Variants in NLRP13 observed in about 807,000 individuals in gnomAD.
NLRP13 encodes the protein NLR family pyrin domain containing 13.
NLRP13 carries 82 observed loss-of-function variants against 94.4 expected under a neutral mutation model. The ratio of observed to expected loss-of-function variants is 0.87; its 90% CI spans 0.73 to 1.04. The LOEUF is 1.04. NLRP13 is among the 50% of genes least tolerant of loss of function. NLRP13 has a pLI of 0.00. For missense variants in NLRP13, 1,426 were observed against 1,230.8 expected, an observed-to-expected ratio of 1.16 and a Z score of -2.37; for synonymous variants, 553 against 464.7, an observed-to-expected ratio of 1.19 and a Z score of -2.45.
intron 4 of NLRP13, among the ~76,000 whole-genome samples, chr19:55,914,528 C>G (rs761676571): frequency 6.6e-6 from 1 of 152,066 alleles, no homozygotes; most frequent in African/African-American, 2.4e-5. Flanking sequence ...GTAGAATATA[C>G]CCCATCAGTA....
At chr19:55,902,766 T>A (rs562883886) in intron 8 of NLRP13, among the ~76,000 whole-genome samples, 2 of 152,034 alleles carry the variant, frequency 1.3e-5, no homozygotes, top group Non-Finnish European at 2.9e-5. Flanking sequence ...TGTTAACATA[T>A]AAGTTTTATG....
At chr19:55,927,379 A>C (rs920831917) in intron 1 of NLRP13, among the ~76,000 whole-genome samples, 1 of 151,930 alleles carries the variant, frequency 6.6e-6, no homozygotes, top group Non-Finnish European at 1.5e-5. Flanking sequence ...GAAAAAAAAA[A>C]AAAAAAAGAG....
At chr19:55,898,199 TGTTTTTGTTTTTG>T (rs1986064509) in intron 10 of NLRP13, among the ~76,000 whole-genome samples, 1 of 54,352 alleles carries the variant, frequency 1.8e-5, no homozygotes, top group Non-Finnish European at 3.2e-5. Context: ...GGAGAGTTTT[TGTTTTTGTTTTTG>T]TTTTTTTTTT....
At chr19:55,898,718 A>T in intron 10 of NLRP13, 52 bp downstream of exon 10, 1 of 1,512,474 alleles carries the variant, frequency 6.6e-7, no homozygotes, top group African/African-American at 1.4e-5. Context: ...ATATCTCCCC[A>T]CCCGCAAGAG....
At chr19:55,924,904 G>C in intron 2 of NLRP13, 63 bp downstream of exon 2, 1 of 1,352,860 alleles carries the variant, frequency 7.4e-7, no homozygotes, top group Non-Finnish European at 1.1e-6. Flanking sequence ...AGCGGATGTG[G>C]ACCAGTGAAT....
At position 55,902,319 on chromosome 19, in the gene NLRP13, G is replaced by C. The variant is rs185793408; in HGVS notation, c.2619-114C>G. On this transcript the variant is annotated intron_variant, in intron 8 of 10. Transcript: ENST00000342929. ...CTACACATGCAGCAGCTCCCTGGACGACAAGGTCTTTCTTTTTAGCTGGAC... is the reference window on the plus strand; with the variant it reads ...CTACACATGCAGCAGCTCCCTGGACCACAAGGTCTTTCTTTTTAGCTGGAC... 322 of 841,150 alleles carry C rather than the reference G, an allele frequency of 3.8e-4. 4 individuals are homozygous for C. In the East Asian group the frequency reaches 8.1e-3, roughly 21 times the overall value. The allele number at this position is 841,150 out of a possible 1,614,324, so 52.1% of individuals were successfully genotyped here.
At chr19:55,898,248 C>A (rs528490338) in intron 10 of NLRP13, among the ~76,000 whole-genome samples, 18 of 138,634 alleles carry the variant, frequency 1.3e-4, no homozygotes, top group Non-Finnish European at 2.1e-4. Context: ...TCGCTCTTGT[C>A]TCCCAGGCTG....
intron 3 of NLRP13, among the ~76,000 whole-genome samples, 163 bp downstream of exon 3, chr19:55,924,427 G>A (rs1044069570): frequency 2.0e-5 from 3 of 152,138 alleles, no homozygotes; most frequent in African/African-American, 7.2e-5. Context: ...TCAGCCGTAA[G>A]TTATTATTTA....
At chr19:55,899,021 A>G (rs1986094716) in intron 9 of NLRP13, 84 bp from the exon 10 acceptor site, 10 of 1,423,224 alleles carry the variant, frequency 7.0e-6, no homozygotes, top group Admixed American at 4.6e-5. Flanking sequence ...TCTCACGTCC[A>G]AGGAAAGGAG....
At chr19:55,926,141 T>G (rs1242988569) in intron 1 of NLRP13, among the ~76,000 whole-genome samples, 1 of 152,166 alleles carries the variant, frequency 6.6e-6, no homozygotes, top group Non-Finnish European at 1.5e-5. Flanking sequence ...GTGGCATTCC[T>G]CTGTTGCAAA....
At chr19:55,923,120 A>G (rs1197288904) in intron 4 of NLRP13, among the ~76,000 whole-genome samples, 1 of 152,250 alleles carries the variant, frequency 6.6e-6, no homozygotes, top group East Asian at 1.9e-4. Context: ...CACTGGTACA[A>G]AAACTACAGA....
At position 55,913,296 on chromosome 19, in the gene NLRP13, A is replaced by G. The variant is rs1353003090; in HGVS notation, c.524-3T>C. ...CTCTCTGTATTTTCTTCTGTGGTCTAGAGAGGGCGGAGTGGGGAGAAGAAT... is the reference window on the plus strand; with the variant it reads ...CTCTCTGTATTTTCTTCTGTGGTCTGGAGAGGGCGGAGTGGGGAGAAGAAT... On this transcript the variant is annotated splice_region_variant and splice_polypyrimidine_tract_variant and intron_variant, in intron 4 of 10. Coordinates refer to ENST00000342929, the MANE Select transcript of NLRP13 (RefSeq NM_176810.2). The G allele has an allele frequency of 6.2e-7, 1 of 1,611,992 alleles. No homozygotes were observed. Among genetic ancestry groups the G allele is most frequent in the Non-Finnish European group, 8.5e-7 (1 of 1,178,782 alleles).
intron 7 of NLRP13, among the ~76,000 whole-genome samples, chr19:55,907,190 C>T (rs1229672172): frequency 2.6e-5 from 4 of 151,992 alleles, no homozygotes; most frequent in African/African-American, 9.7e-5. Flanking sequence ...GAACTCCTGA[C>T]CTCATGATTT....
chr19:55,931,718 A>AGAAAGAAAGAAAGACAGAAAGAAAG, intron 1 of NLRP13, among the ~76,000 whole-genome samples: 1 of 96,032 alleles, frequency 1.0e-5, no homozygotes, highest in African/African-American at 4.1e-5. Flanking sequence ...TCAAAAAAAA[A>AGAAAGAAAGAAAGACAGAAAGAAAG]AAAAAAAGAA....
chr19:55,928,789 G>A lies in NLRP13; in HGVS notation c.319+3204C>T, dbSNP rs575444895. On this transcript the variant is annotated intron_variant, in intron 1 of 10. Transcript: ENST00000342929. ...CAACAAAAGCCAAAATTGACAAATG[G>A]GATCTAATTGAACTAAAGAGCTTCT... Among the ~76,000 whole-genome samples, 3 of 152,222 alleles carry A rather than the reference G, an allele frequency of 2.0e-5. No individual in the cohort carries two copies. The East Asian group carries it at 5.8e-4, about 29-fold the overall frequency.
intron 9 of NLRP13, 138 bp downstream of exon 9, chr19:55,901,897 C>G (rs559421312): frequency 1.3e-5 from 12 of 895,400 alleles, no homozygotes; most frequent in Non-Finnish European, 2.0e-5. Flanking sequence ...CCCACACCCC[C>G]GACAAAACCA....
chr19:55,900,543 G>A (rs941764178), intron 9 of NLRP13, among the ~76,000 whole-genome samples: 39 of 151,776 alleles, frequency 2.6e-4, no homozygotes, highest in African/African-American at 8.7e-4. Flanking sequence ...AGGCCAAGGC[G>A]GGTGGATCAC....
intron 1 of NLRP13, among the ~76,000 whole-genome samples, chr19:55,930,181 GAAGC>G (rs1987076568): frequency 6.6e-6 from 1 of 152,160 alleles, no homozygotes; most frequent in African/African-American, 2.4e-5. Flanking sequence ...GAGGGTAGGA[GAAGC>G]TGTACAAGGT....
intron 4 of NLRP13, among the ~76,000 whole-genome samples, chr19:55,915,650 G>C (rs1010903784): frequency 1.3e-5 from 2 of 152,018 alleles, no homozygotes; most frequent in African/African-American, 4.8e-5. Context: ...TATCAGGAGA[G>C]AATATTCGAG....
Sources: gnomAD v4.1 joint callset for allele counts (sites outside exome capture counted in the v4.1 genomes callset) on GRCh38, gnomAD v4.1.1 for gene constraint, MANE v1.5 for transcripts, NCBI Gene and HGNC (gene_info 2026-07-23, HGNC 2026-07-21) for gene names.